The following KCNQ3 variants were observed in gnomAD, a reference collection of about 807,000 sequenced individuals.
KCNQ3 encodes potassium voltage-gated channel subfamily KQT member 3.
In KCNQ3, 30 loss-of-function variants were observed where a neutral mutation model predicts 92.5. The observed-to-expected ratio is 0.32, with a 90% CI of 0.24 to 0.44. The LOEUF (loss-of-function observed/expected upper bound fraction) is 0.44. Among genes scored for constraint, KCNQ3 ranks in the 20% least tolerant of loss-of-function variants. The pLI is 1.00. For missense variants in KCNQ3, 913 were observed against 1,140.3 expected (o/e 0.80, Z 2.87); for synonymous variants, 450 against 468.8 (o/e 0.96, Z 0.52).
chr8:132,373,584 CA>C (rs1186843393), intron 1 of KCNQ3, among the ~76,000 whole-genome samples: 3 of 152,146 alleles, frequency 2.0e-5, no homozygotes, highest in Non-Finnish European at 4.4e-5. Flanking sequence ...GGGATTAAGT[CA>C]ATGCCCCAGG....
intron 11 of KCNQ3, among the ~76,000 whole-genome samples, chr8:132,139,802 A>G (rs778537747): frequency 1.3e-5 from 2 of 152,172 alleles, no homozygotes; most frequent in Non-Finnish European, 2.9e-5. Context: ...AGAGCAGAAC[A>G]TAGCAGGTGG....
chr8:132,244,235 AT>A (rs1458635855), intron 1 of KCNQ3, among the ~76,000 whole-genome samples: 2 of 152,220 alleles, frequency 1.3e-5, no homozygotes, highest in African/African-American at 4.8e-5. Context: ...TTGACATAAA[AT>A]ATTTTTGTAT....
chr8:132,140,396 C>T (rs750267124), intron 10 of KCNQ3: 46 of 547,954 alleles, frequency 8.4e-5, no homozygotes, highest in Non-Finnish European at 9.1e-5. Flanking sequence ...CAAAAGTGTG[C>T]GCAGCTCATG....
intron 1 of KCNQ3, among the ~76,000 whole-genome samples, chr8:132,417,861 A>C (rs1359208011): frequency 6.6e-6 from 1 of 152,216 alleles, no homozygotes; most frequent in African/African-American, 2.4e-5. Context: ...CAGGAAAAAA[A>C]CGTTCTCTTT....
At chr8:132,182,495 C>T (rs1264077536) in intron 3 of KCNQ3, among the ~76,000 whole-genome samples, 2 of 152,234 alleles carry the variant, frequency 1.3e-5, no homozygotes, top group Admixed American at 6.5e-5. Context: ...AGCCTCATCT[C>T]CCCAGGGAGG....
chr8:132,359,414 GTGC>G (rs1188191594), intron 1 of KCNQ3, among the ~76,000 whole-genome samples: 1 of 152,148 alleles, frequency 6.6e-6, no homozygotes, highest in Admixed American at 6.5e-5. Flanking sequence ...CCCTACCAGG[GTGC>G]TCACTGTGTC....
chr8:132,172,517 A>T (rs1043306283), intron 7 of KCNQ3, 81 bp downstream of exon 7: 2 of 1,237,986 alleles, frequency 1.6e-6, no homozygotes, highest in Non-Finnish European at 2.4e-6. Flanking sequence ...ATGTGCACAC[A>T]TGCACACATA....
intron 1 of KCNQ3, among the ~76,000 whole-genome samples, chr8:132,361,043 T>G (rs1372860857): frequency 1.3e-5 from 2 of 152,192 alleles, no homozygotes; most frequent in Admixed American, 6.5e-5. Flanking sequence ...CTGGTTTCCA[T>G]TCCACCCTCT....
At chr8:132,367,457 A>G (rs1026735040) in intron 1 of KCNQ3, among the ~76,000 whole-genome samples, 2 of 152,238 alleles carry the variant, frequency 1.3e-5, no homozygotes, top group African/African-American at 4.8e-5. Flanking sequence ...AGATCTGGAA[A>G]AATAAGAGGC....
chr8:132,273,099 G>T (rs1816209034), intron 1 of KCNQ3, among the ~76,000 whole-genome samples: 1 of 152,078 alleles, frequency 6.6e-6, no homozygotes, highest in African/African-American at 2.4e-5. Flanking sequence ...TCCACTAGGT[G>T]GTGCCCCAGT....
chr8:132,146,426 A>T (rs1169664876), intron 9 of KCNQ3, among the ~76,000 whole-genome samples: 3 of 152,254 alleles, frequency 2.0e-5, no homozygotes, highest in Non-Finnish European at 4.4e-5. Context: ...TGGGATATCA[A>T]GTGTGGTCAA....
chr8:132,249,022 G>A (rs1339843527), intron 1 of KCNQ3, among the ~76,000 whole-genome samples: 1 of 152,150 alleles, frequency 6.6e-6, no homozygotes, highest in African/African-American at 2.4e-5. Flanking sequence ...TCTGATGTTT[G>A]GATGTGTTCG....
chr8:132,142,777 T>A (rs2130947237), intron 9 of KCNQ3, among the ~76,000 whole-genome samples: 2 of 152,282 alleles, frequency 1.3e-5, no homozygotes, highest in South Asian at 4.2e-4. Flanking sequence ...GTTAGGCTAG[T>A]CATGTGCCCC....
intron 1 of KCNQ3, among the ~76,000 whole-genome samples, chr8:132,287,065 A>T (rs1222106812): frequency 2.6e-5 from 4 of 151,336 alleles, no homozygotes; most frequent in African/African-American, 9.8e-5. Flanking sequence ...GTACTCTGTT[A>T]TAGAAGCATA....
chr8:132,391,222 G>A (rs530517218), intron 1 of KCNQ3, among the ~76,000 whole-genome samples: 77 of 152,200 alleles, frequency 5.1e-4, no homozygotes, highest in Admixed American at 2.6e-3. Flanking sequence ...TCATGGGTTC[G>A]GTAGGTCAGA....
intron 1 of KCNQ3, among the ~76,000 whole-genome samples, chr8:132,373,682 T>C (rs1819534694): frequency 6.6e-6 from 1 of 152,004 alleles, no homozygotes; most frequent in Non-Finnish European, 1.5e-5. Context: ...GCTGACTGCA[T>C]TGAAAGAAAT....
intron 1 of KCNQ3, among the ~76,000 whole-genome samples, chr8:132,424,526 G>A (rs1821057395): frequency 6.6e-6 from 1 of 152,228 alleles, no homozygotes; most frequent in Non-Finnish European, 1.5e-5. Flanking sequence ...GGGCTCTGGG[G>A]ACTCAGGCTG....
chr8:132,357,307 T>C (rs561820128), intron 1 of KCNQ3, among the ~76,000 whole-genome samples: 1 of 152,318 alleles, frequency 6.6e-6, no homozygotes, highest in African/African-American at 2.4e-5. Flanking sequence ...AGTGAGCCGG[T>C]AGAGGAAGAC....
chr8:132,475,500 T>C (rs1325439036), intron 1 of KCNQ3, among the ~76,000 whole-genome samples: 1 of 152,196 alleles, frequency 6.6e-6, no homozygotes, highest in Non-Finnish European at 1.5e-5. Flanking sequence ...AGGACACTTA[T>C]GGTATGCTCT....
Sources: gnomAD v4.1 joint callset for allele counts (sites outside exome capture counted in the v4.1 genomes callset) on GRCh38, gnomAD v4.1.1 for gene constraint, MANE v1.5 for transcripts, NCBI Gene and HGNC (gene_info 2026-07-23, HGNC 2026-07-21) for gene names.